SNAPC3: variants seen among roughly 807,000 people sequenced by gnomAD.
SNAPC3 encodes small nuclear RNA activating complex polypeptide 3, also known as snRNA-activating protein complex subunit 3.
Under a neutral mutation model 47.7 loss-of-function variants are expected in SNAPC3, and 56 were observed. The observed-to-expected ratio is 1.18, with a 90% CI of 0.95 to 1.47. SNAPC3 has a LOEUF of 1.47. SNAPC3 is among the 40% of genes most tolerant of loss of function. SNAPC3 has a pLI of 0.00. For synonymous variants in SNAPC3, 235 were observed against 189.9 expected (o/e 1.24, Z -1.95); for missense variants, 665 against 511.3 (o/e 1.30, Z -2.90).
At chr9:15,441,378 C>CTTTTTTTTT (rs1351664407) in intron 3 of SNAPC3, among the ~76,000 whole-genome samples, 38 of 40,486 alleles carry the variant, frequency 9.4e-4, no homozygotes, top group African/African-American at 2.9e-3. Context: ...CAAGAGTTCC[C>CTTTTTTTTT]TTTTCTTTTT....
intron 3 of SNAPC3, among the ~76,000 whole-genome samples, chr9:15,436,900 C>T (rs1200161711): frequency 2.0e-5 from 3 of 150,424 alleles, no homozygotes; most frequent in South Asian, 4.2e-4. Flanking sequence ...CTTGGCTCAC[C>T]GCAACCTTCG....
Position 15,434,566 on chromosome 9 carries a change from C to G in SNAPC3, c.477+930C>G, listed in dbSNP as rs1466846388. 3.3e-5 allele frequency among the ~76,000 whole-genome samples: 5 copies of G among 152,048 alleles called. 1 individual carries two copies. Among genetic ancestry groups the G allele is most frequent in the Admixed American group, 3.3e-4 (5 of 15,264 alleles). The stretch of plus-strand genomic sequence containing the variant: ...GGGATTATAGGTGCCTGCCACCATG[C>G]CTGGCTCATTTTTGTATTTTTAGTA... On this transcript the variant is annotated intron_variant, in intron 3 of 8. Transcript: ENST00000380821.
chr9:15,437,589 G>A (rs1298121116), intron 3 of SNAPC3, among the ~76,000 whole-genome samples: 1 of 147,978 alleles, frequency 6.8e-6, no homozygotes, highest in East Asian at 2.0e-4. Context: ...TTTGTCAAAT[G>A]CTTTTCTGTG....
chr9:15,459,537 A>G (rs561000630), intron 8 of SNAPC3, among the ~76,000 whole-genome samples, 182 bp from the exon 9 acceptor site: 1 of 152,318 alleles, frequency 6.6e-6, no homozygotes, highest in Non-Finnish European at 1.5e-5. Flanking sequence ...TTCGCTTTGT[A>G]GAGAGAGTAT....
At position 15,423,117 on chromosome 9, in the gene SNAPC3, G is replaced by T; in HGVS notation, c.238G>T (p.Asp80Tyr). The T allele has an allele frequency of 6.4e-7, 1 of 1,552,216 alleles. No individual in the cohort carries two copies. ...GCCTGGGAGCCAGGCAGCTGACTCC[G>T]ACCGGGAGGATGCCGCGGTGGCCAG... Reference protein sequence around the residue: ...ALPGSQAADSDREDAAVARDL... With the variant: ...ALPGSQAADSYREDAAVARDL... Residue 80 changes from aspartate (D) to tyrosine (Y), a missense_variant, in exon 1 of 9, where the codon GAC (aspartate) becomes TAC (tyrosine). Physicochemically the swap from Asp to Tyr is radical, Grantham distance 160 (BLOSUM62 -3). Coordinates refer to ENST00000380821, the MANE Select transcript of SNAPC3 (RefSeq NM_001039697.2).
chr9:15,439,642 C>A (rs1303561770), intron 3 of SNAPC3, among the ~76,000 whole-genome samples: 1 of 152,156 alleles, frequency 6.6e-6, no homozygotes, highest in African/African-American at 2.4e-5. Flanking sequence ...TCAAGTGAAT[C>A]TTGTGCCTCA....
At chr9:15,451,736 C>T (rs546091731) in intron 6 of SNAPC3, among the ~76,000 whole-genome samples, 8 of 152,120 alleles carry the variant, frequency 5.3e-5, no homozygotes, top group African/African-American at 1.7e-4. Flanking sequence ...CCTTAACATG[C>T]ATTATTAGTC....
chr9:15,423,333 A>T, intron 1 of SNAPC3, 140 bp downstream of exon 1: 1 of 852,206 alleles, frequency 1.2e-6, no homozygotes, highest in South Asian at 2.0e-5. Context: ...AAAGCTTTCA[A>T]CCCGCTGGAG....
chr9:15,435,844 C>CTTTTTTTTTTTTTTTTTTTTTTTTTTT (rs57744583), intron 3 of SNAPC3, among the ~76,000 whole-genome samples: 1 of 123,842 alleles, frequency 8.1e-6, no homozygotes. Flanking sequence ...ACTTTTCTTT[C>CTTTTTTTTTTTTTTTTTTTTTTTTTTT]TTTTTTTTTT....
At chr9:15,458,427 TTAC>T (rs952312787) in intron 8 of SNAPC3, among the ~76,000 whole-genome samples, 9 of 152,262 alleles carry the variant, frequency 5.9e-5, no homozygotes, top group African/African-American at 1.9e-4. Context: ...ACAGTGCACA[TTAC>T]CATAAAGGGA....
At chr9:15,438,662 ATACT>A (rs2033046226) in intron 3 of SNAPC3, among the ~76,000 whole-genome samples, 1 of 152,178 alleles carries the variant, frequency 6.6e-6, no homozygotes, top group Admixed American at 6.5e-5. Context: ...AAATTTCCAC[ATACT>A]TGTGAATTTT....
At chr9:15,459,664 G>C (rs1216093196) in intron 8 of SNAPC3, 55 bp from the exon 9 acceptor site, 1 of 1,475,592 alleles carries the variant, frequency 6.8e-7, no homozygotes, top group African/African-American at 1.4e-5. Flanking sequence ...CATAAAGCAT[G>C]TTAAGTATGG....
chr9:15,424,078 C>T (rs1587125096), intron 2 of SNAPC3, 92 bp downstream of exon 2: 4 of 622,750 alleles, frequency 6.4e-6, no homozygotes, highest in Admixed American at 3.0e-5. Context: ...TGATTGTTGT[C>T]TGTATACCCA....
At chr9:15,439,094 C>T (rs1476919083) in intron 3 of SNAPC3, among the ~76,000 whole-genome samples, 1 of 152,074 alleles carries the variant, frequency 6.6e-6, no homozygotes, top group Non-Finnish European at 1.5e-5. Context: ...ATTGCTGCCT[C>T]AACCTCCTGT....
intron 2 of SNAPC3, among the ~76,000 whole-genome samples, chr9:15,427,583 C>G (rs1217711509): frequency 6.6e-6 from 1 of 152,170 alleles, no homozygotes; most frequent in African/African-American, 2.4e-5. Flanking sequence ...CTCCTGACCT[C>G]AAGTGATCTG....
At chr9:15,444,099 C>T (rs1348416901) in intron 3 of SNAPC3, among the ~76,000 whole-genome samples, 2 of 152,122 alleles carry the variant, frequency 1.3e-5, no homozygotes, top group Non-Finnish European at 2.9e-5. Flanking sequence ...TAATTTAGCA[C>T]ACATAAAAGA....
intron 6 of SNAPC3, among the ~76,000 whole-genome samples, chr9:15,451,640 C>A (rs1307179761): frequency 6.6e-6 from 1 of 152,068 alleles, no homozygotes; most frequent in East Asian, 1.9e-4. Context: ...GTATAGCATG[C>A]TATAATCTCG....
chr9:15,452,151 C>G (rs965304724), intron 6 of SNAPC3, among the ~76,000 whole-genome samples: 32 of 151,834 alleles, frequency 2.1e-4, no homozygotes, highest in African/African-American at 7.0e-4. Context: ...TTAGTAGAGA[C>G]AGGGTTTCAA....
At chr9:15,439,596 C>T (rs2033138017) in intron 3 of SNAPC3, among the ~76,000 whole-genome samples, 1 of 151,934 alleles carries the variant, frequency 6.6e-6, no homozygotes, top group Non-Finnish European at 1.5e-5. Context: ...GTGCAGTGGC[C>T]CGATCTCGGC....
Sources: allele counts gnomAD v4.1 joint callset (sites outside exome capture counted in the v4.1 genomes callset), GRCh38; gene constraint gnomAD v4.1.1; transcripts MANE v1.5; gene names NCBI Gene and HGNC (gene_info 2026-07-23, HGNC 2026-07-21).